The following TGFBR3 variants were observed in gnomAD, a reference collection of about 807,000 sequenced individuals.
TGFBR3 encodes transforming growth factor beta receptor type 3.
In TGFBR3, 46 loss-of-function variants were observed where a neutral mutation model predicts 87.9. That is an observed-to-expected ratio of 0.52 (90% confidence interval 0.41 to 0.67). The LOEUF (loss-of-function observed/expected upper bound fraction) is 0.67, where lower values mean the gene tolerates loss of function less well. Among genes scored for constraint, TGFBR3 ranks in the 30% least tolerant of loss-of-function variants. TGFBR3 has a pLI of 0.00. For missense variants in TGFBR3, 866 were observed against 1,041.9 expected (o/e 0.83, Z 2.32); for synonymous variants, 381 against 391.6 (o/e 0.97, Z 0.32).
At chr1:91,869,016 A>C (rs1678486348) in intron 1 of TGFBR3, among the ~76,000 whole-genome samples, 1 of 152,176 alleles carries the variant, frequency 6.6e-6, no homozygotes, top group Non-Finnish European at 1.5e-5. Flanking sequence ...TCAGTCCCAC[A>C]AAAGGGCCAA....
At chr1:91,845,267 A>C (rs897558675) in intron 2 of TGFBR3, among the ~76,000 whole-genome samples, 1 of 152,204 alleles carries the variant, frequency 6.6e-6, no homozygotes. Context: ...GGATTTGTAC[A>C]TAAGTACTTA....
intron 2 of TGFBR3, among the ~76,000 whole-genome samples, chr1:91,852,431 G>A (rs777709207): frequency 2.2e-4 from 33 of 152,294 alleles, no homozygotes; most frequent in Middle Eastern, 6.8e-3. Flanking sequence ...GTTTGCACAC[G>A]CATGCACGCA....
At chr1:91,892,964 G>A (rs1311673402) in intron 2 of TGFBR3, among the ~76,000 whole-genome samples, 1 of 152,056 alleles carries the variant, frequency 6.6e-6, no homozygotes, top group African/African-American at 2.4e-5. Flanking sequence ...CCTTCCTAGT[G>A]CCTCTTGATA....
intron 3 of TGFBR3, among the ~76,000 whole-genome samples, chr1:91,792,902 C>T (rs1675245749): frequency 6.6e-6 from 1 of 152,196 alleles, no homozygotes; most frequent in Non-Finnish European, 1.5e-5. Flanking sequence ...TTTCCAGTTT[C>T]CTGTTCGCTT....
chr1:91,690,886 C>G (rs1671239972), intron 16 of TGFBR3, among the ~76,000 whole-genome samples: 1 of 152,096 alleles, frequency 6.6e-6, no homozygotes, highest in Admixed American at 6.6e-5. Flanking sequence ...TACATCCCAC[C>G]CACAGCTTAG....
intron 4 of TGFBR3, among the ~76,000 whole-genome samples, chr1:91,749,152 T>C (rs284171): frequency 0.023 from 3,537 of 152,154 alleles, 128 homozygotes; most frequent in African/African-American, 0.079. Context: ...CAGGCTTGGC[T>C]CCAAACAGCA....
chr1:91,703,501 T>C (rs1361648850), intron 14 of TGFBR3, among the ~76,000 whole-genome samples: 3 of 152,196 alleles, frequency 2.0e-5, no homozygotes, highest in African/African-American at 7.2e-5. Flanking sequence ...AACACATCTA[T>C]AGGTATGTAA....
In TGFBR3 at chr1:91,682,570, GC is replaced by G. The variant is rs1264545563; in HGVS notation, c.*1168del. The G allele has an allele frequency of 1.5e-5, 7 of 453,550 alleles. No individual in the cohort carries two copies. The highest frequency in any genetic ancestry group is 3.1e-5 in the Non-Finnish European group (7 of 226,710). The allele number at this position is 453,550 out of a possible 1,614,324, so 28.1% of individuals were successfully genotyped here. On this transcript the variant is annotated 3_prime_UTR_variant, in exon 17 of 17. Transcript: ENST00000212355. The stretch of plus-strand genomic sequence containing the variant: ...GAGAAGTAAGGCAATCCAAATGAGT[GC>G]CCTTTTCCAATCTCAGCACTGTCTT...
At chr1:91,724,230 AG>A (rs1672472575) in intron 7 of TGFBR3, among the ~76,000 whole-genome samples, 1 of 152,226 alleles carries the variant, frequency 6.6e-6, no homozygotes, top group African/African-American at 2.4e-5. Flanking sequence ...TAGGGAGGAA[AG>A]AAACAAAGAG....
Position 91,720,164 on chromosome 1 carries a change from CCAGGGTCCAG to C in TGFBR3, c.1132_1141del (p.Leu378ValfsTer81). ...CGGGTTCTGCAGGGCAGGCAGGGCACCAGGGTCCAGCAGGATCCGTAGCTCAGGAGGAATA... is the reference window on the plus strand; with the variant it reads ...CGGGTTCTGCAGGGCAGGCAGGGCACCAGGATCCGTAGCTCAGGAGGAATA... On this transcript the variant is annotated frameshift_variant, in exon 9 of 17. Coordinates refer to ENST00000212355, the MANE Select transcript of TGFBR3 (RefSeq NM_003243.5). LOFTEE classifies it high-confidence loss of function. 1 of 1,613,590 alleles carries C rather than the reference CCAGGGTCCAG, an allele frequency of 6.2e-7. No individual in the cohort carries two copies. The highest frequency in any genetic ancestry group is 8.5e-7 in the Non-Finnish European group (1 of 1,179,804).
intron 16 of TGFBR3, among the ~76,000 whole-genome samples, chr1:91,693,612 C>G (rs1349951100): frequency 6.6e-6 from 1 of 152,092 alleles, no homozygotes; most frequent in Non-Finnish European, 1.5e-5. Flanking sequence ...TATCTGGTTG[C>G]CCTATATTCT....
chr1:91,818,277 CCTTTTTTTTTTTTTTTTTT>C (rs1676312039), intron 2 of TGFBR3, among the ~76,000 whole-genome samples: 2 of 123,152 alleles, frequency 1.6e-5, no homozygotes, highest in African/African-American at 2.9e-5. Context: ...TTAGCCCCAG[CCTTTTTTTTTTTTTTTTTT>C]TTTTTTTTTT....
chr1:91,719,414 C>T lies in TGFBR3; in HGVS notation c.1464G>A (p.Lys488=). 1.2e-6 allele frequency: 2 copies of T among 1,614,176 alleles called. No homozygotes were observed. Among genetic ancestry groups the T allele is most frequent in the Non-Finnish European group, 8.5e-7 (1 of 1,180,016 alleles). The change falls in exon 10 of 17, where the codon AAG becomes AAA. Residue 488 remains lysine, a synonymous_variant. Coordinates refer to ENST00000212355, the MANE Select transcript of TGFBR3 (RefSeq NM_003243.5). The stretch of plus-strand genomic sequence containing the variant: ...CAAAGTGTGTGCCATTCATCTTGGC[C>T]TTGCAGGTAGGATCCAACAGGGTGA... ...MDVTLLDPTC[K]AKMNGTHFVL... is the part of the protein sequence containing the mutation.
intron 4 of TGFBR3, among the ~76,000 whole-genome samples, chr1:91,735,328 G>A (rs1251448451): frequency 1.3e-5 from 2 of 152,178 alleles, no homozygotes; most frequent in Non-Finnish European, 2.9e-5. Context: ...GTTCTCGTGG[G>A]CTTATAAAAA....
At chr1:91,892,080 A>G (rs1679463089) in intron 2 of TGFBR3, among the ~76,000 whole-genome samples, 1 of 152,250 alleles carries the variant, frequency 6.6e-6, no homozygotes, top group Non-Finnish European at 1.5e-5. Flanking sequence ...TTCTCACAGT[A>G]ACCGCAAGTT....
chr1:91,701,672 C>T (rs541409788), intron 14 of TGFBR3, among the ~76,000 whole-genome samples: 2 of 152,280 alleles, frequency 1.3e-5, no homozygotes, highest in East Asian at 1.9e-4. Flanking sequence ...GCATGAGTAA[C>T]TGACCACAGC....
intron 3 of TGFBR3, among the ~76,000 whole-genome samples, chr1:91,760,296 G>A (rs1218590338): frequency 6.6e-6 from 1 of 152,102 alleles, no homozygotes; most frequent in African/African-American, 2.4e-5. Flanking sequence ...ATAGTAGCAG[G>A]CACCTGATAC....
intron 2 of TGFBR3, among the ~76,000 whole-genome samples, chr1:91,833,172 T>G (rs1357864405): frequency 6.6e-6 from 1 of 151,432 alleles, no homozygotes; most frequent in Admixed American, 6.6e-5. Context: ...GGCGGGAGCC[T>G]GTAATCCCAG....
intron 14 of TGFBR3, among the ~76,000 whole-genome samples, chr1:91,705,230 T>C (rs1671757902): frequency 6.6e-6 from 1 of 150,778 alleles, no homozygotes; most frequent in African/African-American, 2.4e-5. Flanking sequence ...CTTTTCTTTT[T>C]TTTTTTTTTT....
Sources: gnomAD v4.1 joint callset for allele counts (sites outside exome capture counted in the v4.1 genomes callset) on GRCh38, gnomAD v4.1.1 for gene constraint, MANE v1.5 for transcripts, NCBI Gene and HGNC (gene_info 2026-07-23, HGNC 2026-07-21) for gene names.